Variants in CEP70 observed in about 807,000 individuals in gnomAD.
CEP70 encodes centrosomal protein 70.
In CEP70, 70 loss-of-function variants were observed where a neutral mutation model predicts 90.9. The ratio of observed to expected loss-of-function variants is 0.77; its 90% confidence interval spans 0.64 to 0.94. The LOEUF is 0.94. Ranked by LOEUF, CEP70 falls within the 40% of genes least tolerant of loss-of-function variation. The pLI is 0.00. For missense variants in CEP70, 648 were observed against 669.0 expected, an observed-to-expected ratio of 0.97 and a Z score of 0.35; for synonymous variants, 220 against 228.3, an observed-to-expected ratio of 0.96 and a Z score of 0.33.
intron 6 of CEP70, among the ~76,000 whole-genome samples, chr3:138,544,231 A>C (rs1472465996): frequency 6.6e-6 from 1 of 152,172 alleles, no homozygotes; most frequent in Non-Finnish European, 1.5e-5. Flanking sequence ...CACTAAAAAA[A>C]AAGCAAAAAA....
intron 6 of CEP70, among the ~76,000 whole-genome samples, chr3:138,562,215 A>G (rs926621218): frequency 7.2e-5 from 11 of 152,126 alleles, no homozygotes; most frequent in African/African-American, 2.7e-4. Context: ...TGAAAAGACC[A>G]AATCTACGTT....
intron 8 of CEP70, among the ~76,000 whole-genome samples, chr3:138,530,202 A>T (rs956664706): frequency 6.6e-6 from 1 of 152,222 alleles, no homozygotes; most frequent in Non-Finnish European, 1.5e-5. Context: ...AACACTTGAA[A>T]TACGGGTAAT....
Position 138,529,258 on chromosome 3 carries a change from T to C in CEP70, c.810A>G (p.Lys270=), listed in dbSNP as rs1220088522. The change falls in exon 10 of 18, where the codon AAA becomes AAG. Residue 270 remains lysine (K), a synonymous_variant. Coordinates refer to ENST00000264982, the MANE Select transcript of CEP70 (RefSeq NM_024491.4). The part of the protein sequence containing the change: ...MSLQNQLKES[K]SKIDALSSEK... Reference sequence around the variant, plus strand: ...CACTTGAAAGTGCATCAATCTTAGATTTTGATTCCTTGAGTTGATTCTGTA... The same window carrying C: ...CACTTGAAAGTGCATCAATCTTAGACTTTGATTCCTTGAGTTGATTCTGTA... 6.2e-7 allele frequency: 1 copy of C among 1,609,544 alleles called. No individual in the cohort carries two copies. Among genetic ancestry groups the C allele is most frequent in the Non-Finnish European group, 8.5e-7 (1 of 1,177,796 alleles).
At chr3:138,529,167 G>GAA (rs34094770) in intron 10 of CEP70, 32 bp downstream of exon 10, 10,395 of 1,157,652 alleles carry the variant, frequency 9.0e-3, no homozygotes, top group East Asian at 0.04. Context: ...CCTGTCTCAG[G>GAA]AAAAAAAAAA....
intron 17 of CEP70, chr3:138,497,501 C>T (rs2108649414): frequency 1.0e-6 from 1 of 971,438 alleles, no homozygotes; most frequent in South Asian, 4.8e-5. Context: ...GAGTCCTAAG[C>T]AAATTTTTTC....
chr3:138,547,005 AAAATGAAATG>A (rs761009379), intron 6 of CEP70, among the ~76,000 whole-genome samples: 1 of 152,206 alleles, frequency 6.6e-6, no homozygotes, highest in Admixed American at 6.5e-5. Context: ...TATAAGATGA[AAAATGAAATG>A]AAATGAAATT....
intron 2 of CEP70, among the ~76,000 whole-genome samples, chr3:138,576,630 C>T (rs1486737260): frequency 6.6e-6 from 1 of 152,186 alleles, no homozygotes; most frequent in Non-Finnish European, 1.5e-5. Context: ...ACTCTCCACC[C>T]CAAATCAATA....
At chr3:138,532,470 C>T in intron 8 of CEP70, 44 bp downstream of exon 8, 2 of 1,438,520 alleles carry the variant, frequency 1.4e-6, no homozygotes, top group Non-Finnish European at 1.8e-6. Flanking sequence ...GGTGTGAATA[C>T]TGGATTAAAA....
chr3:138,529,128 T>C, intron 10 of CEP70, 71 bp downstream of exon 10: 1 of 875,490 alleles, frequency 1.1e-6, no homozygotes, highest in Non-Finnish European at 1.8e-6. Flanking sequence ...ATCACACCAC[T>C]GCACTTGGCC....
intron 8 of CEP70, among the ~76,000 whole-genome samples, chr3:138,529,803 C>G (rs562236690): frequency 6.6e-6 from 1 of 152,238 alleles, no homozygotes; most frequent in East Asian, 1.9e-4. Context: ...GTGGAACATC[C>G]ATGTTCTTTT....
At chr3:138,589,758 C>A (rs375884838) in intron 2 of CEP70, among the ~76,000 whole-genome samples, 2 of 152,008 alleles carry the variant, frequency 1.3e-5, no homozygotes, top group Non-Finnish European at 2.9e-5. Flanking sequence ...GACTTTGATA[C>A]CAATACTTTA....
chr3:138,495,130 C>T, intron 17 of CEP70, 54 bp from the exon 18 acceptor site: 1 of 1,083,048 alleles, frequency 9.2e-7, no homozygotes, highest in South Asian at 1.4e-5. Flanking sequence ...TAGTGGTAAA[C>T]TCACATGAAA....
At chr3:138,496,334 T>G in intron 17 of CEP70, 1 of 985,456 alleles carries the variant, frequency 1.0e-6, no homozygotes, top group African/African-American at 1.7e-5. Context: ...AGCTCCCGAC[T>G]TCAGTCAGAA....
Position 138,496,624 on chromosome 3 carries a change from T to G in CEP70, c.1732+1407A>C, listed in dbSNP as rs1365452093. On this transcript the variant is annotated intron_variant, in intron 17 of 17. Coordinates refer to ENST00000264982, the MANE Select transcript of CEP70 (RefSeq NM_024491.4). ...TTACATGAGAAAAAGAATGGATTGT[T>G]TTTTTACTCACTAAAGGTACTCTCC... 3 of 985,274 alleles carry G rather than the reference T, an allele frequency of 3.0e-6. No homozygotes were observed. The Admixed American group carries it at 1.8e-4, about 61-fold the overall frequency. The allele number at this position is 985,274 out of a possible 1,614,324, so 61.0% of individuals were successfully genotyped here. A position where few individuals can be genotyped will look rare whatever the true frequency, so the allele number is the denominator to read the frequency against.
At chr3:138,559,936 G>C (rs901499350) in intron 6 of CEP70, among the ~76,000 whole-genome samples, 39 of 152,238 alleles carry the variant, frequency 2.6e-4, no homozygotes, top group African/African-American at 9.2e-4. Flanking sequence ...TCAAAATTAA[G>C]GTGACAAATA....
intron 11 of CEP70, among the ~76,000 whole-genome samples, chr3:138,521,299 C>T (rs1189692786): frequency 6.6e-6 from 1 of 151,792 alleles, no homozygotes; most frequent in Non-Finnish European, 1.5e-5. Context: ...CCCCTCTGCC[C>T]AGCCGCCCAG....
intron 7 of CEP70, among the ~76,000 whole-genome samples, chr3:138,533,735 C>A (rs1441707458): frequency 2.0e-5 from 3 of 152,102 alleles, no homozygotes; most frequent in Non-Finnish European, 2.9e-5. Context: ...AGATTTGTTA[C>A]ATTTTACCAT....
chr3:138,530,417 A>T (rs2037706608), intron 8 of CEP70, among the ~76,000 whole-genome samples: 1 of 152,186 alleles, frequency 6.6e-6, no homozygotes, highest in African/African-American at 2.4e-5. Context: ...ACATATCACC[A>T]GTCTAGTAAG....
intron 6 of CEP70, among the ~76,000 whole-genome samples, chr3:138,546,258 G>A (rs1236599050): frequency 6.6e-6 from 1 of 152,106 alleles, no homozygotes; most frequent in African/African-American, 2.4e-5. Flanking sequence ...AATACTGGGG[G>A]CGGGTTCCCC....
Sources: gnomAD v4.1 joint callset for allele counts (sites outside exome capture counted in the v4.1 genomes callset) on GRCh38, gnomAD v4.1.1 for gene constraint, MANE v1.5 for transcripts, NCBI Gene and HGNC (gene_info 2026-07-23, HGNC 2026-07-21) for gene names.